MICU3: variants seen among roughly 807,000 people sequenced by gnomAD.
The protein encoded by MICU3 is calcium uptake protein 3, mitochondrial.
In MICU3, 62 loss-of-function variants were observed where a neutral mutation model predicts 66.5. The observed-to-expected ratio is 0.93, with a 90% CI of 0.76 to 1.15. The LOEUF (loss-of-function observed/expected upper bound fraction) is 1.15. Ranked by LOEUF, MICU3 falls within the 50% of genes most tolerant of loss-of-function variation. The pLI is 0.00. For synonymous variants in MICU3, 308 were observed against 240.7 expected (o/e 1.28, Z -2.59); for missense variants, 779 against 664.4 (o/e 1.17, Z -1.90).
chr8:17,059,187 T>C (rs1394472088), intron 1 of MICU3, among the ~76,000 whole-genome samples: 1 of 152,162 alleles, frequency 6.6e-6, no homozygotes, highest in Non-Finnish European at 1.5e-5. Flanking sequence ...GGATTCCTAT[T>C]TATGCTGCTA....
chr8:17,068,837 G>C (rs77587854), intron 2 of MICU3, among the ~76,000 whole-genome samples: 5,553 of 152,124 alleles, frequency 0.037, 156 homozygotes, highest in Non-Finnish European at 0.056. Flanking sequence ...ATGTTGGTTG[G>C]CATTATTGTA....
downstream of MICU3, among the ~76,000 whole-genome samples, chr8:17,125,093 G>C (rs138858122): frequency 2.8e-3 from 425 of 151,934 alleles, no homozygotes; most frequent in African/African-American, 9.5e-3. Flanking sequence ...CAGTTTTCCT[G>C]GTATTTCTAT....
At chr8:17,085,103 T>A in intron 5 of MICU3, 133 bp from the exon 6 acceptor site, 1 of 501,408 alleles carries the variant, frequency 2.0e-6, no homozygotes, top group African/African-American at 1.9e-5. Context: ...AAAGCAGAAA[T>A]ATATATACTT....
At chr8:17,109,313 T>G (rs1802000234) in intron 11 of MICU3, among the ~76,000 whole-genome samples, 1 of 152,126 alleles carries the variant, frequency 6.6e-6, no homozygotes, top group African/African-American at 2.4e-5. Context: ...ACTTGAAGCT[T>G]TTTTGTTTTA....
chr8:17,130,569 A>G, the MICU3 span, among the ~76,000 whole-genome samples: 5 of 152,296 alleles, frequency 3.3e-5, no homozygotes, highest in East Asian at 7.7e-4. Flanking sequence ...AAAATAATGC[A>G]TTGCTGCGTT....
At chr8:17,047,750 T>C (rs1008988014) in intron 1 of MICU3, among the ~76,000 whole-genome samples, 1 of 152,132 alleles carries the variant, frequency 6.6e-6, no homozygotes, top group African/African-American at 2.4e-5. Context: ...CAAAATAAAT[T>C]TATTTTCATA....
chr8:17,107,002 G>C (rs903398350), intron 11 of MICU3, among the ~76,000 whole-genome samples: 1 of 151,924 alleles, frequency 6.6e-6, no homozygotes, highest in African/African-American at 2.4e-5. Context: ...TATTTGAATA[G>C]CCCTTTACAT....
intron 3 of MICU3, among the ~76,000 whole-genome samples, chr8:17,074,635 T>G (rs1585353103): frequency 7.8e-6 from 1 of 128,530 alleles, no homozygotes; most frequent in South Asian, 2.5e-4. Flanking sequence ...GTGTGTGTGT[T>G]TAACTTGCCA....
chr8:17,070,638 G>GATT (rs763016855), intron 3 of MICU3, among the ~76,000 whole-genome samples: 18,221 of 140,034 alleles, frequency 0.13, 1,429 homozygotes, highest in Admixed American at 0.2. Flanking sequence ...TTATAGATAT[G>GATT]TTTTTTTTTT....
chr8:17,131,382 G>A, the MICU3 span: 1 of 125,684 alleles, frequency 8.0e-6, no homozygotes, highest in Non-Finnish European at 1.6e-5. Flanking sequence ...GTTGCTAGAA[G>A]TTTCTGGGGT....
intron 3 of MICU3, among the ~76,000 whole-genome samples, chr8:17,074,032 G>A (rs762825730): frequency 2.6e-5 from 4 of 151,510 alleles, no homozygotes; most frequent in Non-Finnish European, 4.4e-5. Flanking sequence ...TGAGTGTATG[G>A]TGGAGTTTTC....
chr8:17,100,775 G>T lies in MICU3; in HGVS notation c.984+2222G>T, dbSNP rs549989108. Among the ~76,000 whole-genome samples the T allele has an allele frequency of 3.3e-5, 5 of 151,674 alleles. No homozygotes were observed. The East Asian group carries it at 9.7e-4, about 29-fold the overall frequency. On this transcript the variant is annotated intron_variant, in intron 9 of 14. Transcript: ENST00000318063. Reference sequence around the variant, plus strand: ...CTGTGAAACCATATAATGAAAATTTGAATATCAGAGCTAAGACTACTTTCT... The same window carrying T: ...CTGTGAAACCATATAATGAAAATTTTAATATCAGAGCTAAGACTACTTTCT...
At chr8:17,115,489 A>T (rs1007999742) in intron 12 of MICU3, among the ~76,000 whole-genome samples, 4 of 152,164 alleles carry the variant, frequency 2.6e-5, no homozygotes, top group Non-Finnish European at 5.9e-5. Context: ...GTTTTTTAGA[A>T]CTGGAAAATG....
chr8:17,035,548 G>C (rs952287090), intron 1 of MICU3, among the ~76,000 whole-genome samples: 1 of 152,212 alleles, frequency 6.6e-6, no homozygotes, highest in Non-Finnish European at 1.5e-5. Context: ...GTATGTTTTA[G>C]CAAAGAGACT....
At chr8:17,037,881 T>C (rs989164594) in intron 1 of MICU3, among the ~76,000 whole-genome samples, 3 of 152,224 alleles carry the variant, frequency 2.0e-5, no homozygotes, top group African/African-American at 4.8e-5. Context: ...GGAGATCATT[T>C]TGGAGCTTTA....
chr8:17,091,864 A>G (rs2150764415), intron 8 of MICU3, among the ~76,000 whole-genome samples: 1 of 151,892 alleles, frequency 6.6e-6, no homozygotes, highest in South Asian at 2.1e-4. Flanking sequence ...TTAGGACTTT[A>G]TGGGGGTTTT....
At position 17,120,302 on chromosome 8, in the gene MICU3, A is replaced by G. The variant is rs1049272709; in HGVS notation, c.*15A>G. The G allele has an allele frequency of 5.3e-5, 8 of 152,138 alleles. No individual in the cohort carries two copies. Among genetic ancestry groups the G allele is most frequent in the Middle Eastern group, 3.2e-3 (1 of 316 alleles). The allele number at this position is 152,138 out of a possible 1,614,324, so 9.4% of individuals were successfully genotyped here. A position where few individuals can be genotyped will look rare whatever the true frequency, so the allele number is the denominator to read the frequency against. ...TTTTTAATTAGATACTCCTAAAACA[A>G]AGTTTAAAGGATTACTATCTGTGTG... On this transcript the variant is annotated 3_prime_UTR_variant, in exon 15 of 15. Transcript: ENST00000318063.
chr8:17,060,604 G>A (rs943041509), intron 1 of MICU3, among the ~76,000 whole-genome samples: 1 of 152,056 alleles, frequency 6.6e-6, no homozygotes, highest in African/African-American at 2.4e-5. Context: ...GAGCCACTAC[G>A]CCTGGCCATT....
chr8:17,116,058 T>C (rs1389212458), intron 12 of MICU3, among the ~76,000 whole-genome samples: 4 of 152,234 alleles, frequency 2.6e-5, no homozygotes, highest in Non-Finnish European at 5.9e-5. Flanking sequence ...CTCCAGATTC[T>C]CATAGCACTT....
Sources: gnomAD v4.1 joint callset for allele counts (sites outside exome capture counted in the v4.1 genomes callset) on GRCh38, gnomAD v4.1.1 for gene constraint, MANE v1.5 for transcripts, NCBI Gene and HGNC (gene_info 2026-07-23, HGNC 2026-07-21) for gene names.